Variants in CCNY observed in about 807,000 individuals in gnomAD.
The protein encoded by CCNY is cyclin-Y.
CCNY carries 19 observed loss-of-function variants against 42.8 expected under a neutral mutation model. That is an observed-to-expected ratio of 0.44 (90% CI 0.31 to 0.65). The LOEUF (loss-of-function observed/expected upper bound fraction) is 0.65, where lower values mean the gene tolerates loss of function less well. CCNY is among the 30% of genes least tolerant of loss of function. The pLI is 0.07. For synonymous variants in CCNY, 165 were observed against 162.7 expected (o/e 1.01, Z -0.11); for missense variants, 370 against 437.3 (o/e 0.85, Z 1.37).
At chr10:35,514,861 T>G (rs1840397191) in intron 3 of CCNY, among the ~76,000 whole-genome samples, 1 of 152,222 alleles carries the variant, frequency 6.6e-6, no homozygotes. Context: ...GTGTTAAACA[T>G]AGATTTTTTG....
chr10:35,260,632 T>C (rs1319893474), intron 3 of CCNY, among the ~76,000 whole-genome samples: 1 of 152,232 alleles, frequency 6.6e-6, no homozygotes, highest in Non-Finnish European at 1.5e-5. Context: ...ATCAGGTCAT[T>C]TGATGTGGTT....
Position 35,529,928 on chromosome 10 carries a change from T to C in CCNY, c.402-45T>C, listed in dbSNP as rs112459612. The C allele has an allele frequency of 3.7e-3, 5,702 of 1,520,550 alleles. 92 individuals carry two copies. The highest frequency in any genetic ancestry group is 0.037 in the East Asian group (1,649 of 44,406). 94.2% of individuals were successfully genotyped at this position (1,520,550 alleles called of 1,614,324 possible). A position where few individuals can be genotyped will look rare whatever the true frequency, so the allele number is the denominator to read the frequency against. ...GTATTTTTGTTTTATTTGAATGACA[T>C]TCTTGCAGAAAGTAAGTTTCATTTT... On this transcript the variant is annotated intron_variant, in intron 5 of 9. Coordinates refer to ENST00000374704, the MANE Select transcript of CCNY (RefSeq NM_145012.6).
At chr10:35,431,924 A>T (rs1425015463) in intron 1 of CCNY, among the ~76,000 whole-genome samples, 1 of 152,170 alleles carries the variant, frequency 6.6e-6, no homozygotes, top group Non-Finnish European at 1.5e-5. Context: ...AAATAAAGAC[A>T]TCATGGATTT....
intron 3 of CCNY, among the ~76,000 whole-genome samples, chr10:35,318,471 T>C (rs1485399804): frequency 2.0e-5 from 3 of 152,200 alleles, no homozygotes; most frequent in African/African-American, 7.2e-5. Context: ...AAATCAGTTT[T>C]GCTGGATCTG....
At chr10:35,541,711 T>C (rs1329415997) in intron 7 of CCNY, among the ~76,000 whole-genome samples, 1 of 152,194 alleles carries the variant, frequency 6.6e-6, no homozygotes, top group Non-Finnish European at 1.5e-5. Context: ...TATATTATTA[T>C]TAACTGAAGT....
chr10:35,476,392 T>A (rs1352633943), intron 1 of CCNY, among the ~76,000 whole-genome samples: 1 of 151,788 alleles, frequency 6.6e-6, no homozygotes, highest in Admixed American at 6.6e-5. Context: ...GAAGTAAAGC[T>A]CTCCTCAGCA....
intron 2 of CCNY, among the ~76,000 whole-genome samples, chr10:35,485,677 A>G (rs1248938866): frequency 7.0e-6 from 1 of 143,814 alleles, no homozygotes; most frequent in Admixed American, 7.3e-5. Context: ...GTGAGCCGAG[A>G]TTGTGCCACT....
chr10:35,399,352 G>A (rs1221594242), intron 1 of CCNY, among the ~76,000 whole-genome samples: 1 of 81,054 alleles, frequency 1.2e-5, no homozygotes, highest in Non-Finnish European at 2.7e-5. Flanking sequence ...TACTTCTCGG[G>A]GACTGGTGTC....
intron 1 of CCNY, among the ~76,000 whole-genome samples, chr10:35,379,819 A>G (rs1837138757): frequency 1.3e-5 from 2 of 151,976 alleles, no homozygotes; most frequent in South Asian, 4.1e-4. Flanking sequence ...TTACCCTGAG[A>G]GTTGTTGGGA....
At chr10:35,249,907 G>A (rs568595028) in intron 2 of CCNY, among the ~76,000 whole-genome samples, 5 of 151,930 alleles carry the variant, frequency 3.3e-5, no homozygotes, top group South Asian at 2.1e-4. Context: ...AAAATTAGCC[G>A]GGTGTGGCCG....
chr10:35,499,294 G>A (rs905901671), intron 2 of CCNY, among the ~76,000 whole-genome samples: 3 of 152,152 alleles, frequency 2.0e-5, no homozygotes, highest in Admixed American at 6.5e-5. Context: ...GTCTCACATC[G>A]CGGCAGAGAA....
chr10:35,417,708 A>G (rs960069835), intron 1 of CCNY, among the ~76,000 whole-genome samples: 1 of 152,164 alleles, frequency 6.6e-6, no homozygotes, highest in African/African-American at 2.4e-5. Flanking sequence ...AATGGCATTA[A>G]TTTCTTTTAA....
rs534968264 is a variant in CCNY at position 35,439,060 on chromosome 10, A to G, written c.155-44344A>G. Among the ~76,000 whole-genome samples, 3 of 152,238 alleles carry G rather than the reference A, an allele frequency of 2.0e-5. No individual in the cohort carries two copies. In the East Asian group the frequency reaches 5.8e-4, roughly 29 times the overall value. On this transcript the variant is annotated intron_variant, in intron 1 of 9. Coordinates refer to ENST00000374704, the MANE Select transcript of CCNY (RefSeq NM_145012.6). ...TGTTTTTTCCTTATAGGTAGGTGTC[A>G]TCTTTCTTTGGCTGCTTTGAGGAAT...
intron 1 of CCNY, 29 bp downstream of exon 1, chr10:35,337,236 C>T (rs939272690): frequency 1.1e-5 from 16 of 1,475,368 alleles, no homozygotes; most frequent in South Asian, 1.3e-5. Flanking sequence ...GCCCCCTACC[C>T]GCCCCCGCGG....
In CCNY at chr10:35,494,264, A is replaced by G. The variant is rs117559973; in HGVS notation, c.230-7237A>G. On this transcript the variant is annotated intron_variant, in intron 2 of 9. Transcript: ENST00000374704. ...CCCCCCCATTTCTACAAAAAAATAA[A>G]GATTTTTTTTTTTTAAAGAAAGAGT... 2.5e-3 allele frequency among the ~76,000 whole-genome samples: 367 copies of G among 145,146 alleles called. 10 individuals carry two copies. In the East Asian group the frequency reaches 0.062, roughly 25 times the overall value.
At chr10:35,474,741 TC>T in intron 1 of CCNY, among the ~76,000 whole-genome samples, 1 of 152,010 alleles carries the variant, frequency 6.6e-6, no homozygotes, top group East Asian at 1.9e-4. Flanking sequence ...TCAGAGCGCC[TC>T]TCCTCCTCCA....
intron 1 of CCNY, among the ~76,000 whole-genome samples, chr10:35,447,838 A>G (rs111774526): frequency 6.6e-6 from 1 of 152,178 alleles, no homozygotes; most frequent in African/African-American, 2.4e-5. Context: ...GTGGCTGTAA[A>G]CCACAGATAG....
intron 1 of CCNY, among the ~76,000 whole-genome samples, chr10:35,405,504 A>G (rs556557783): frequency 4.6e-5 from 7 of 152,316 alleles, no homozygotes; most frequent in African/African-American, 1.7e-4. Context: ...GGAGCCGGGC[A>G]GGTGGGGATA....
At chr10:35,340,435 T>C (rs1836151127) in intron 1 of CCNY, among the ~76,000 whole-genome samples, 1 of 152,004 alleles carries the variant, frequency 6.6e-6, no homozygotes, top group African/African-American at 2.4e-5. Context: ...TAAATCAGGA[T>C]ACTTGTAACA....
Sources: allele counts gnomAD v4.1 joint callset (sites outside exome capture counted in the v4.1 genomes callset), GRCh38; gene constraint gnomAD v4.1.1; transcripts MANE v1.5; gene names NCBI Gene and HGNC (gene_info 2026-07-23, HGNC 2026-07-21).